The following CACNA1A variants were observed in gnomAD, a reference collection of about 807,000 sequenced individuals.
CACNA1A encodes the protein calcium voltage-gated channel subunit alpha1 A, also known as voltage-dependent P/Q-type calcium channel subunit alpha-1A.
In CACNA1A, 57 loss-of-function variants were observed where a neutral mutation model predicts 262.4. The ratio of observed to expected loss-of-function variants is 0.22; its 90% CI spans 0.18 to 0.27. The LOEUF (loss-of-function observed/expected upper bound fraction) is 0.27, where lower values mean the gene tolerates loss of function less well. CACNA1A is among the 10% of genes least tolerant of loss of function. CACNA1A has a pLI of 1.00. For missense variants in CACNA1A, 2,526 were observed against 3,562.8 expected (o/e 0.71, Z 7.41); for synonymous variants, 1,431 against 1,419.3 (o/e 1.01, Z -0.18).
At chr19:13,489,152 C>T (rs533612528) in intron 1 of CACNA1A, among the ~76,000 whole-genome samples, 11 of 151,644 alleles carry the variant, frequency 7.3e-5, no homozygotes, top group South Asian at 2.1e-4. Context: ...GCTGGGACTG[C>T]GGGTGTGCAC....
At chr19:13,291,147 A>C (rs528810191) in intron 19 of CACNA1A, among the ~76,000 whole-genome samples, 1 of 152,270 alleles carries the variant, frequency 6.6e-6, no homozygotes, top group African/African-American at 2.4e-5. Flanking sequence ...TCTGCCTGGA[A>C]TAGGTGGCCA....
chr19:13,335,865 G>T lies in CACNA1A; in HGVS notation c.1023C>A (p.Ile341=). The T allele has an allele frequency of 6.2e-7, 1 of 1,610,480 alleles. No homozygotes were observed. Among genetic ancestry groups the T allele is most frequent in the Non-Finnish European group, 8.5e-7 (1 of 1,178,298 alleles). The change falls in exon 7 of 47, where the codon ATC becomes ATA. Residue 341 remains isoleucine (I), a synonymous_variant. Transcript: ENST00000360228. The part of the protein sequence containing the change: ...SGNTWNWLYF[I]PLIIIGSFFM... ...AAAAGGAGCCGATGATGATGAGGGG[G>T]ATGAAGTACAACCAGTTCCAAGTGT...
intron 3 of CACNA1A, among the ~76,000 whole-genome samples, chr19:13,398,803 T>C (rs2059851710): frequency 6.6e-6 from 1 of 152,230 alleles, no homozygotes; most frequent in Non-Finnish European, 1.5e-5. Flanking sequence ...ACCTGATGCA[T>C]AGTAAGTGCT....
intron 3 of CACNA1A, among the ~76,000 whole-genome samples, chr19:13,399,563 T>G (rs757664438): frequency 9.2e-5 from 14 of 151,958 alleles, no homozygotes; most frequent in Non-Finnish European, 2.1e-4. Context: ...AACGGTCAAA[T>G]CCTCTAATGA....
chr19:13,445,252 C>T (rs564021490), intron 3 of CACNA1A, among the ~76,000 whole-genome samples: 1 of 152,258 alleles, frequency 6.6e-6, no homozygotes, highest in East Asian at 1.9e-4. Context: ...AACAAAATGG[C>T]CCAAAGCCTG....
chr19:13,499,278 A>T (rs956125346), intron 1 of CACNA1A, among the ~76,000 whole-genome samples: 15 of 152,054 alleles, frequency 9.9e-5, no homozygotes, highest in African/African-American at 2.7e-4. Context: ...GAGGAAAGAG[A>T]ATTAATTTTT....
chr19:13,503,751 T>C lies in CACNA1A; in HGVS notation c.293+2181A>G, dbSNP rs551098037. The stretch of plus-strand genomic sequence containing the variant: ...TTTTCCCTTCCAGAGTAGGGCTGTA[T>C]AATGTGTTTGTTACCTCGGGTCAAA... On this transcript the variant is annotated intron_variant, in intron 1 of 46. Coordinates refer to ENST00000360228, the MANE Select transcript of CACNA1A (RefSeq NM_001127222.2). 1.2e-4 allele frequency among the ~76,000 whole-genome samples: 18 copies of C among 151,940 alleles called. No individual in the cohort carries two copies. The East Asian group carries it at 3.5e-3, about 30-fold the overall frequency.
At chr19:13,447,752 A>G (rs902775269) in intron 3 of CACNA1A, among the ~76,000 whole-genome samples, 1 of 152,202 alleles carries the variant, frequency 6.6e-6, no homozygotes, top group Non-Finnish European at 1.5e-5. Context: ...AGAACTTGGA[A>G]TCTGATTTTA....
rs1304024825 is a variant in CACNA1A, at chr19:13,428,538, T to G, written c.539+24338A>C. Reference sequence around the variant, plus strand: ...ACTACCATTTGCTGAGAATCTACCCTGGAGCAGGCCCCCTAGTGGGCATAT... The same window carrying G: ...ACTACCATTTGCTGAGAATCTACCCGGGAGCAGGCCCCCTAGTGGGCATAT... On this transcript the variant is annotated intron_variant, in intron 3 of 46. Transcript: ENST00000360228. Among the ~76,000 whole-genome samples the G allele has an allele frequency of 3.3e-5, 5 of 152,204 alleles. No homozygotes were observed. In the East Asian group the frequency reaches 9.6e-4, roughly 29 times the overall value.
Position 13,212,317 on chromosome 19 carries a change from C to T in CACNA1A, c.6189+67G>A. The T allele has an allele frequency of 4.4e-6, 7 of 1,579,242 alleles. No homozygotes were observed. Among genetic ancestry groups the T allele is most frequent in the Non-Finnish European group, 6.1e-6 (7 of 1,151,834 alleles). On this transcript the variant is annotated intron_variant, in intron 42 of 46. Coordinates refer to ENST00000360228, the MANE Select transcript of CACNA1A (RefSeq NM_001127222.2). This position sits in a 1 kb window ranked among gnomAD's most constrained non-coding sequence, Gnocchi z 5.6. ...GCTGCAGGTGTGTGTGTGTGGGGGGCCCAGATCCCTTCCACCTGAACCACC... is the reference window on the plus strand; with the variant it reads ...GCTGCAGGTGTGTGTGTGTGGGGGGTCCAGATCCCTTCCACCTGAACCACC...
chr19:13,292,019 G>T (rs957046595), intron 19 of CACNA1A, among the ~76,000 whole-genome samples: 3 of 152,160 alleles, frequency 2.0e-5, no homozygotes, highest in African/African-American at 7.2e-5. Flanking sequence ...AGTGGAGCAG[G>T]TCTTGGCAAA....
chr19:13,240,592 G>C (rs1190877302), intron 31 of CACNA1A, among the ~76,000 whole-genome samples: 1 of 150,976 alleles, frequency 6.6e-6, no homozygotes, highest in East Asian at 1.9e-4. Flanking sequence ...TGCGTGCAGT[G>C]ACTGTGTGTG....
At chr19:13,391,127 C>T (rs1335825476) in intron 3 of CACNA1A, among the ~76,000 whole-genome samples, 1 of 152,118 alleles carries the variant, frequency 6.6e-6, no homozygotes, top group East Asian at 1.9e-4. Flanking sequence ...CCTCGTGATT[C>T]GCCTGCCTCG....
At chr19:13,296,732 G>A (rs1039389357) in intron 19 of CACNA1A, among the ~76,000 whole-genome samples, 1 of 151,442 alleles carries the variant, frequency 6.6e-6, no homozygotes, top group Non-Finnish European at 1.5e-5. Context: ...CAATTCTAAC[G>A]GCCCAAAGTG....
At chr19:13,445,493 G>A (rs8106881) in intron 3 of CACNA1A, among the ~76,000 whole-genome samples, 35 of 152,094 alleles carry the variant, frequency 2.3e-4, no homozygotes, top group African/African-American at 7.5e-4. Flanking sequence ...ACCCTTTTCC[G>A]GCTTAACAAC....
At chr19:13,245,699 T>G (rs1600160614) in intron 30 of CACNA1A, 1 of 145,466 alleles carries the variant, frequency 6.9e-6, no homozygotes, top group African/African-American at 2.7e-5. Flanking sequence ...TGAGATGGAG[T>G]CTCGCTCAGT....
intron 1 of CACNA1A, among the ~76,000 whole-genome samples, chr19:13,460,910 T>C (rs1275888014): frequency 6.6e-6 from 1 of 152,174 alleles, no homozygotes; most frequent in African/African-American, 2.4e-5. Flanking sequence ...GCTATTTTTT[T>C]CCTTCTTTAT....
At chr19:13,371,816 G>T in intron 3 of CACNA1A, 37 bp from the exon 4 acceptor site, 1 of 1,463,356 alleles carries the variant, frequency 6.8e-7, no homozygotes, top group Non-Finnish European at 9.4e-7. Flanking sequence ...ACAGAGGGTG[G>T]GTTTTGGGGG....
intron 38 of CACNA1A, among the ~76,000 whole-genome samples, chr19:13,223,674 C>T (rs1002083175): frequency 1.3e-5 from 2 of 152,166 alleles, no homozygotes; most frequent in Non-Finnish European, 2.9e-5. Flanking sequence ...TGAGTCAGCT[C>T]AATGCCCCGG....
Sources: allele counts gnomAD v4.1 joint callset (sites outside exome capture counted in the v4.1 genomes callset), GRCh38; gene constraint gnomAD v4.1.1; non-coding constraint Gnocchi (gnomAD v3.1); transcripts MANE v1.5; gene names NCBI Gene and HGNC (gene_info 2026-07-23, HGNC 2026-07-21).